Variants in EDIL3 observed in about 807,000 individuals in gnomAD.
EDIL3 encodes EGF-like repeat and discoidin I-like domain-containing protein 3.
Under a neutral mutation model 67.4 loss-of-function variants are expected in EDIL3, and 37 were observed. The observed-to-expected ratio is 0.55, with a 90% confidence interval of 0.42 to 0.72. The LOEUF (loss-of-function observed/expected upper bound fraction) is 0.72. EDIL3 is among the 30% of genes least tolerant of loss of function. The pLI, the probability that EDIL3 is intolerant of heterozygous loss-of-function variation, is 0.00. For missense variants in EDIL3, 527 were observed against 586.3 expected (o/e 0.90, Z 1.04); for synonymous variants, 195 against 196.3 (o/e 0.99, Z 0.05).
At chr5:84,102,333 A>G (rs1747381942) in intron 6 of EDIL3, among the ~76,000 whole-genome samples, 1 of 152,036 alleles carries the variant, frequency 6.6e-6, no homozygotes, top group South Asian at 2.1e-4. Context: ...CAGGCAAGAG[A>G]AAAAAGTAAA....
At chr5:84,007,675 G>A (rs990733652) in intron 9 of EDIL3, among the ~76,000 whole-genome samples, 2 of 152,124 alleles carry the variant, frequency 1.3e-5, no homozygotes, top group Non-Finnish European at 2.9e-5. Flanking sequence ...TACACTATTG[G>A]TGGGAATGTA....
At position 84,132,779 on chromosome 5, in the gene EDIL3, T is replaced by G. The variant is rs141224351; in HGVS notation, c.469+4462A>C. On this transcript the variant is annotated intron_variant, in intron 5 of 10. Coordinates refer to ENST00000296591, the MANE Select transcript of EDIL3 (RefSeq NM_005711.5). ...TTATTTTAATATCCTTATCACAGAA[T>G]TCTTAAACAACTATATAATTATCTA... is the stretch of plus-strand genomic sequence containing the variant. Among the ~76,000 whole-genome samples, 1,476 of 150,986 alleles carry G rather than the reference T, an allele frequency of 9.8e-3. 24 individuals are homozygous for G. Among genetic ancestry groups the G allele is most frequent in the African/African-American group, 0.035 (1,424 of 41,144 alleles).
At chr5:84,088,088 T>C (rs929335202) in intron 6 of EDIL3, among the ~76,000 whole-genome samples, 1 of 152,170 alleles carries the variant, frequency 6.6e-6, no homozygotes, top group Non-Finnish European at 1.5e-5. Flanking sequence ...CAGAATGAAG[T>C]AGAAAACTTC....
intron 2 of EDIL3, among the ~76,000 whole-genome samples, chr5:84,243,195 G>A (rs974800715): frequency 5.3e-5 from 8 of 152,120 alleles, no homozygotes; most frequent in Non-Finnish European, 5.9e-5. Flanking sequence ...TGCATACAAA[G>A]ACTATCTGCC....
At chr5:84,042,748 T>A (rs906540786) in intron 9 of EDIL3, among the ~76,000 whole-genome samples, 2 of 152,136 alleles carry the variant, frequency 1.3e-5, no homozygotes, top group Admixed American at 1.3e-4. Flanking sequence ...GCTTGTTAAA[T>A]GAGGAAAATC....
chr5:84,241,807 A>G (rs1411954145), intron 2 of EDIL3, among the ~76,000 whole-genome samples: 2 of 152,050 alleles, frequency 1.3e-5, no homozygotes, highest in Non-Finnish European at 2.9e-5. Context: ...TGATTTCTGC[A>G]TGTAGCTTTA....
At chr5:84,356,873 A>G (rs1201953547) in intron 1 of EDIL3, among the ~76,000 whole-genome samples, 1 of 148,916 alleles carries the variant, frequency 6.7e-6, no homozygotes, top group Non-Finnish European at 1.5e-5. Flanking sequence ...GGACCTTGAG[A>G]AAACAATCTT....
intron 4 of EDIL3, among the ~76,000 whole-genome samples, chr5:84,170,032 C>G (rs1194179292): frequency 6.6e-6 from 1 of 152,166 alleles, no homozygotes. Context: ...ATTCCACTAT[C>G]CAGATTAGTG....
chr5:83,942,625 T>C lies in EDIL3; in HGVS notation c.*794A>G, dbSNP rs927141211. 2.0e-5 allele frequency: 3 copies of C among 152,088 alleles called. No homozygotes were observed. The highest frequency in any genetic ancestry group is 6.6e-5 in the Admixed American group (1 of 15,240). The allele number at this position is 152,088 out of a possible 1,614,324, so 9.4% of individuals were successfully genotyped here. ...CAATTATTTGGAAATTAAATAGTTA[T>C]GGCTTCCTTCAAAAATAAAACTGCA... is the stretch of plus-strand genomic sequence containing the variant. On this transcript the variant is annotated 3_prime_UTR_variant, in exon 11 of 11. Coordinates refer to ENST00000296591, the MANE Select transcript of EDIL3 (RefSeq NM_005711.5).
intron 6 of EDIL3, 30 bp downstream of exon 6, chr5:84,106,619 A>C (rs1747467587): frequency 6.5e-7 from 1 of 1,541,042 alleles, no homozygotes; most frequent in Non-Finnish European, 8.7e-7. Flanking sequence ...ATGACTTATA[A>C]CATTAACCTT....
Position 84,200,088 on chromosome 5 carries a change from T to C in EDIL3, c.227-19567A>G, listed in dbSNP as rs1743801140. ...AATCAGAACTATGTTCTGGGATTTA[T>C]TTTCATAAGTGAATTTATTTAGGAT... On this transcript the variant is annotated intron_variant, in intron 3 of 10. Coordinates refer to ENST00000296591, the MANE Select transcript of EDIL3 (RefSeq NM_005711.5). 2.6e-5 allele frequency among the ~76,000 whole-genome samples: 4 copies of C among 152,108 alleles called. No homozygotes were observed. The South Asian group carries it at 8.3e-4, about 31-fold the overall frequency.
At position 84,117,139 on chromosome 5, in the gene EDIL3, C is replaced by G. The variant is rs112035891; in HGVS notation, c.470-10309G>C. 5.3e-4 allele frequency among the ~76,000 whole-genome samples: 79 copies of G among 148,748 alleles called. 1 individual carries two copies. Among genetic ancestry groups the G allele is most frequent in the Admixed American group, 2.3e-3 (34 of 14,602 alleles). The stretch of plus-strand genomic sequence containing the variant: ...GCCTCCCGGGTTCACGCCATTCTCC[C>G]GCCTCAGCCTCCTGAGTAGCTGGGA... On this transcript the variant is annotated intron_variant, in intron 5 of 10. Coordinates refer to ENST00000296591, the MANE Select transcript of EDIL3 (RefSeq NM_005711.5).
chr5:84,383,902 G>T (rs1408622094), intron 1 of EDIL3, among the ~76,000 whole-genome samples: 1 of 152,108 alleles, frequency 6.6e-6, no homozygotes, highest in Admixed American at 6.5e-5. Flanking sequence ...TGACGCCCGG[G>T]CGCACTGGCT....
chr5:84,196,711 C>T (rs868564397), intron 3 of EDIL3, among the ~76,000 whole-genome samples: 3 of 151,962 alleles, frequency 2.0e-5, no homozygotes, highest in South Asian at 2.1e-4. Flanking sequence ...TATTCAATAT[C>T]GATCAAAATC....
At chr5:84,380,805 T>C (rs941100898) in intron 1 of EDIL3, among the ~76,000 whole-genome samples, 10 of 152,096 alleles carry the variant, frequency 6.6e-5, no homozygotes, top group Non-Finnish European at 1.2e-4. Flanking sequence ...GTCAAGCTTT[T>C]ACTTTTAATG....
intron 3 of EDIL3, among the ~76,000 whole-genome samples, chr5:84,210,758 T>C (rs1294639799): frequency 6.6e-6 from 1 of 152,212 alleles, no homozygotes; most frequent in African/African-American, 2.4e-5. Flanking sequence ...ATGTATGGTA[T>C]CTATCCTTTT....
chr5:84,106,303 T>G (rs1374973637), intron 6 of EDIL3, among the ~76,000 whole-genome samples: 1 of 152,116 alleles, frequency 6.6e-6, no homozygotes, highest in Non-Finnish European at 1.5e-5. Flanking sequence ...AACATTGATA[T>G]AATTTTTATG....
intron 1 of EDIL3, among the ~76,000 whole-genome samples, chr5:84,254,598 A>G (rs1306516929): frequency 6.6e-6 from 1 of 152,230 alleles, no homozygotes; most frequent in African/African-American, 2.4e-5. Context: ...AACTCTTTAA[A>G]GGACAGGAGT....
intron 1 of EDIL3, among the ~76,000 whole-genome samples, chr5:84,278,946 A>AT: frequency 6.6e-6 from 1 of 152,044 alleles, no homozygotes. Context: ...CCATATCAAT[A>AT]TTTTTTCACC....
Sources: allele counts gnomAD v4.1 joint callset (sites outside exome capture counted in the v4.1 genomes callset), GRCh38; gene constraint gnomAD v4.1.1; transcripts MANE v1.5; gene names NCBI Gene and HGNC (gene_info 2026-07-23, HGNC 2026-07-21).